CATSPER2: variants seen among roughly 807,000 people sequenced by gnomAD.
CATSPER2 encodes cation channel sperm associated 2.
Under a neutral mutation model 68.8 loss-of-function variants are expected in CATSPER2, and 56 were observed. That is an observed-to-expected ratio of 0.81 (90% confidence interval 0.66 to 1.02). The LOEUF (loss-of-function observed/expected upper bound fraction) is 1.02. CATSPER2 is among the 50% of genes least tolerant of loss of function. The pLI is 0.00. For missense variants in CATSPER2, 582 were observed against 642.0 expected (o/e 0.91, Z 1.01); for synonymous variants, 198 against 229.9 (o/e 0.86, Z 1.26).
At position 43,630,507 on chromosome 15, in the gene CATSPER2, A is replaced by T; in HGVS notation, c.*194T>A. 8.0e-7 allele frequency: 1 copy of T among 1,254,658 alleles called. No homozygotes were observed. The highest frequency in any genetic ancestry group is 1.1e-6 in the Non-Finnish European group (1 of 909,978). The allele number at this position is 1,254,658 out of a possible 1,614,324, so 77.7% of individuals were successfully genotyped here. ...GTAGCTATGATTACAAGCATCTGCC[A>T]CCACACCCAGCTAATTTTTTTGTAT... On this transcript the variant is annotated 3_prime_UTR_variant, in exon 13 of 13. Coordinates refer to ENST00000396879, the MANE Select transcript of CATSPER2 (RefSeq NM_172095.4).
At chr15:43,638,119 T>G (rs2085997750) in intron 7 of CATSPER2, among the ~76,000 whole-genome samples, 1 of 150,776 alleles carries the variant, frequency 6.6e-6, no homozygotes, top group Admixed American at 6.6e-5. Flanking sequence ...CACACCTGGC[T>G]AATTTTTGTA....
At chr15:43,645,408 G>C (rs2086146324) in intron 4 of CATSPER2, among the ~76,000 whole-genome samples, 1 of 152,018 alleles carries the variant, frequency 6.6e-6, no homozygotes, top group Middle Eastern at 3.4e-3. Flanking sequence ...TCCTGAACTG[G>C]CTACAGGCAC....
intron 10 of CATSPER2, chr15:43,634,922 C>A (rs972589721): frequency 4.6e-6 from 1 of 219,412 alleles, no homozygotes; most frequent in Non-Finnish European, 9.6e-6. Flanking sequence ...CCTCTGGAGG[C>A]TTTAGGGGAG....
rs1040939091 is a variant in CATSPER2 at position 43,629,532 on chromosome 15, C to G, written c.*1169G>C. On this transcript the variant is annotated 3_prime_UTR_variant, in exon 13 of 13. Coordinates refer to ENST00000396879, the MANE Select transcript of CATSPER2 (RefSeq NM_172095.4). ...TAAATAACCTCATACATGTTAAACA[C>G]TCAATAAGTGATATAATTTTTAATA... 8 of 138,468 alleles carry G rather than the reference C, an allele frequency of 5.8e-5. 1 individual carries two copies. The highest frequency in any genetic ancestry group is 1.2e-4 in the Non-Finnish European group (8 of 67,066). 8.6% of individuals were successfully genotyped at this position (138,468 alleles called of 1,614,324 possible).
chr15:43,639,573 T>C, intron 6 of CATSPER2, 70 bp downstream of exon 6: 1 of 1,608,598 alleles, frequency 6.2e-7, no homozygotes, highest in Non-Finnish European at 8.5e-7. Context: ...CCAATTTGTT[T>C]CATATTCTAT....
intron 4 of CATSPER2, among the ~76,000 whole-genome samples, chr15:43,641,026 C>G (rs2086063136): frequency 6.6e-6 from 1 of 151,882 alleles, no homozygotes; most frequent in African/African-American, 2.4e-5. Flanking sequence ...TCCTTTCTTC[C>G]CTGCCTAAAA....
At chr15:43,638,307 TGAG>T (rs2086005418) in intron 7 of CATSPER2, among the ~76,000 whole-genome samples, 1 of 134,306 alleles carries the variant, frequency 7.4e-6, no homozygotes, top group Non-Finnish European at 1.6e-5. Flanking sequence ...TTTTTTTTTT[TGAG>T]ATGGAGTATT....
In CATSPER2 at chr15:43,639,748, C is replaced by T. The variant is rs564066265; in HGVS notation, c.612G>A (p.Val204=). 1.4e-5 allele frequency: 22 copies of T among 1,612,278 alleles called. 1 individual carries two copies. The highest frequency in any genetic ancestry group is 1.9e-5 in the Non-Finnish European group (22 of 1,178,936). The part of the protein sequence containing the change: ...VVLVGVTGQS[V]WLQLLRICRV... ...GGCAGATCCTCAGAAGCTGAAGCCA[C>T]ACCGATTGGCCTGTTACCCCTACCA... The change falls in exon 6 of 13, where the codon GTG becomes GTA. Residue 204 remains valine, a synonymous_variant. Transcript: ENST00000396879.
chr15:43,635,489 A>T (rs1347364600), intron 9 of CATSPER2, 73 bp from the exon 10 acceptor site: 1 of 1,526,392 alleles, frequency 6.6e-7, no homozygotes, highest in African/African-American at 1.4e-5. Context: ...AAAAAAGTTC[A>T]TATCAGAAAG....
intron 7 of CATSPER2, among the ~76,000 whole-genome samples, chr15:43,637,943 T>C (rs555795160): frequency 2.0e-5 from 3 of 151,916 alleles, no homozygotes; most frequent in African/African-American, 7.2e-5. Context: ...ATTATTCTTT[T>C]TTTTTTTTTT....
upstream of CATSPER2, chr15:43,648,884 C>G: frequency 6.7e-7 from 1 of 1,488,962 alleles, no homozygotes; most frequent in Non-Finnish European, 9.0e-7. Flanking sequence ...CGCCCCGCCC[C>G]GCTCTCCGGC....
chr15:43,645,425 T>C (rs551280884), intron 4 of CATSPER2, among the ~76,000 whole-genome samples: 1 of 151,812 alleles, frequency 6.6e-6, no homozygotes, highest in Non-Finnish European at 1.5e-5. Flanking sequence ...GCACTGGACA[T>C]TTCTGTTGAG....
In CATSPER2 at chr15:43,630,631, A is replaced by G; in HGVS notation, c.*70T>C. The G allele has an allele frequency of 2.5e-6, 4 of 1,608,590 alleles. No individual in the cohort carries two copies. The highest frequency in any genetic ancestry group is 1.3e-5 in the African/African-American group (1 of 74,830). The stretch of plus-strand genomic sequence containing the variant: ...TTCTATCTGAATGTTTATATTTTCA[A>G]TTCTCTATTTCCAACAATTCCCTTC... On this transcript the variant is annotated 3_prime_UTR_variant, in exon 13 of 13. Coordinates refer to ENST00000396879, the MANE Select transcript of CATSPER2 (RefSeq NM_172095.4).
intron 7 of CATSPER2, among the ~76,000 whole-genome samples, chr15:43,637,437 C>T (rs185165817): frequency 4.6e-5 from 7 of 151,758 alleles, no homozygotes; most frequent in South Asian, 4.2e-4. Flanking sequence ...TACAATTTAT[C>T]GAAAACATGA....
chr15:43,643,082 A>C (rs1338823895), intron 4 of CATSPER2: 2 of 151,906 alleles, frequency 1.3e-5, no homozygotes, highest in African/African-American at 2.4e-5. Flanking sequence ...AGGCAAATAT[A>C]TAATTCTGTT....
chr15:43,633,008 C>T, intron 10 of CATSPER2, 74 bp from the exon 11 acceptor site: 2 of 1,253,898 alleles, frequency 1.6e-6, no homozygotes, highest in South Asian at 2.8e-5. Flanking sequence ...TGGTTCTGCC[C>T]CTGGCCACCC....
chr15:43,648,844 C>CTAGG (rs1567135590), upstream of CATSPER2: 1 of 1,527,230 alleles, frequency 6.5e-7, no homozygotes, highest in Non-Finnish European at 8.8e-7. Flanking sequence ...TGCGGAGCAA[C>CTAGG]GCTCGCCCAG....
rs1331812981 is a variant in CATSPER2, at chr15:43,643,579, C to G, written c.389-3083G>C. On this transcript the variant is annotated intron_variant, in intron 4 of 12. Transcript: ENST00000396879. ...CTTGAACTCCTGACCTCAAGTGATC[C>G]GCAGGACTAGGCCTCCCAAATTGCT... Among the ~76,000 whole-genome samples the G allele has an allele frequency of 2.0e-5, 3 of 151,838 alleles. No homozygotes were observed. In the South Asian group the frequency reaches 6.3e-4, roughly 32 times the overall value.
intron 11 of CATSPER2, 97 bp from the exon 12 acceptor site, chr15:43,632,460 A>G: frequency 6.6e-7 from 1 of 1,516,538 alleles, no homozygotes; most frequent in Admixed American, 1.8e-5. Context: ...GTGGGGTGGA[A>G]AGAGGTAACA....
Sources: gnomAD v4.1 joint callset for allele counts (sites outside exome capture counted in the v4.1 genomes callset) on GRCh38, gnomAD v4.1.1 for gene constraint, MANE v1.5 for transcripts, NCBI Gene and HGNC (gene_info 2026-07-23, HGNC 2026-07-21) for gene names.